CRLF3: variants seen among roughly 807,000 people sequenced by gnomAD.
CRLF3 encodes cytokine receptor-like factor 3.
CRLF3 carries 33 observed loss-of-function variants against 55.0 expected under a neutral mutation model. The observed-to-expected ratio is 0.60, with a 90% confidence interval of 0.46 to 0.80. The LOEUF (loss-of-function observed/expected upper bound fraction) is 0.80, where lower values mean the gene tolerates loss of function less well. CRLF3 is among the 30% of genes least tolerant of loss of function. CRLF3 has a pLI of 0.00. For missense variants in CRLF3, 494 were observed against 538.4 expected (o/e 0.92, Z 0.82); for synonymous variants, 238 against 196.8 (o/e 1.21, Z -1.75).
chr17:30,818,344 T>C (rs1231575800), intron 1 of CRLF3, among the ~76,000 whole-genome samples: 1 of 152,222 alleles, frequency 6.6e-6, no homozygotes, highest in Non-Finnish European at 1.5e-5. Context: ...AGGGACACTT[T>C]AAATACTACT....
intron 1 of CRLF3, among the ~76,000 whole-genome samples, chr17:30,811,015 A>G (rs9895815): frequency 0.14 from 20,614 of 152,100 alleles, 1,491 homozygotes; most frequent in South Asian, 0.25. Context: ...CTTGAGCCTG[A>G]GAGGTTGAGG....
chr17:30,784,629 C>T lies in CRLF3; in HGVS notation c.1073-186G>A, dbSNP rs1287776076. On this transcript the variant is annotated intron_variant, in intron 7 of 7. Transcript: ENST00000324238. ...CTCTTCCAGCAGAGACTATGAGTTT[C>T]CCATATCAGTGTCATCAAAAGAAAC... 3.4e-5 allele frequency: 18 copies of T among 527,310 alleles called. No homozygotes were observed. The East Asian group carries it at 5.1e-4, about 15-fold the overall frequency. 32.7% of individuals were successfully genotyped at this position (527,310 alleles called of 1,614,324 possible).
At chr17:30,816,666 T>C (rs769080825) in intron 1 of CRLF3, among the ~76,000 whole-genome samples, 9 of 151,890 alleles carry the variant, frequency 5.9e-5, no homozygotes, top group Non-Finnish European at 1.3e-4. Flanking sequence ...ATTTTTAATT[T>C]CTTTGTGGAG....
intron 1 of CRLF3, among the ~76,000 whole-genome samples, chr17:30,805,065 C>G (rs1172532307): frequency 6.6e-6 from 1 of 152,026 alleles, no homozygotes; most frequent in Non-Finnish European, 1.5e-5. Context: ...GGCCTGTAAT[C>G]CCAGCTACTT....
At chr17:30,785,835 T>TA in intron 7 of CRLF3, 84 bp downstream of exon 7, 1 of 705,288 alleles carries the variant, frequency 1.4e-6, no homozygotes, top group Non-Finnish European at 2.4e-6. Flanking sequence ...TCTCCTACTA[T>TA]AAATGTATGG....
intron 2 of CRLF3, chr17:30,803,651 A>G: frequency 2.2e-6 from 1 of 447,642 alleles, no homozygotes; most frequent in South Asian, 2.4e-5. Flanking sequence ...TTGGTAGTGA[A>G]TAACTCTCAT....
rs202141263 is a variant in CRLF3 at position 30,803,897 on chromosome 17, C to T, written c.337+4G>A. On this transcript the variant is annotated splice_donor_region_variant and intron_variant, in intron 2 of 7. Coordinates refer to ENST00000324238, the MANE Select transcript of CRLF3 (RefSeq NM_015986.4). ...CTAATACAACAGGCTCCCTGGTCCCCCACCTTCTCGGACTAAGTCCTCTGC... is the reference window on the plus strand; with the variant it reads ...CTAATACAACAGGCTCCCTGGTCCCTCACCTTCTCGGACTAAGTCCTCTGC... 66 of 1,607,770 alleles carry T rather than the reference C, an allele frequency of 4.1e-5. No homozygotes were observed. The African/African-American group carries it at 6.5e-4, about 16-fold the overall frequency.
intron 2 of CRLF3, among the ~76,000 whole-genome samples, chr17:30,799,212 G>C (rs1211218656): frequency 6.6e-6 from 1 of 152,192 alleles, no homozygotes; most frequent in African/African-American, 2.4e-5. Flanking sequence ...GGCGTAGGCT[G>C]CAGCAAGCTG....
intron 6 of CRLF3, chr17:30,787,653 A>G (rs1033065361): frequency 3.3e-5 from 5 of 152,162 alleles, no homozygotes; most frequent in African/African-American, 9.7e-5. Flanking sequence ...GCAGGATCAT[A>G]ATATTTGGGT....
In CRLF3 at chr17:30,782,803, G is replaced by A. The variant is rs80140538; in HGVS notation, c.*1384C>T. On this transcript the variant is annotated 3_prime_UTR_variant, in exon 8 of 8. Coordinates refer to ENST00000324238, the MANE Select transcript of CRLF3 (RefSeq NM_015986.4). ...CTACTTATATATAAAAAGACAAGTA[G>A]AAAAGGTCATGATTGTCTAACAGGG... 5.9e-5 allele frequency: 9 copies of A among 152,106 alleles called. No individual in the cohort carries two copies. The highest frequency in any genetic ancestry group is 5.8e-4 in the East Asian group (3 of 5,178). 9.4% of individuals were successfully genotyped at this position (152,106 alleles called of 1,614,324 possible).
At chr17:30,815,547 T>C (rs1054023446) in intron 1 of CRLF3, among the ~76,000 whole-genome samples, 9 of 147,524 alleles carry the variant, frequency 6.1e-5, no homozygotes, top group South Asian at 2.2e-4. Context: ...TCTTCTTTTT[T>C]TTTTTTTTTT....
intron 6 of CRLF3, among the ~76,000 whole-genome samples, chr17:30,789,735 C>G (rs1421781103): frequency 6.6e-6 from 1 of 152,100 alleles, no homozygotes; most frequent in East Asian, 1.9e-4. Flanking sequence ...ATACTTAAGA[C>G]AGTACATGGC....
intron 6 of CRLF3, among the ~76,000 whole-genome samples, chr17:30,788,575 G>A (rs1235563675): frequency 1.3e-5 from 2 of 148,372 alleles, no homozygotes; most frequent in Non-Finnish European, 3.0e-5. Context: ...GGACTGACTG[G>A]GATAAATAAC....
At chr17:30,792,312 C>T (rs936619367) in intron 6 of CRLF3, 128 bp downstream of exon 6, 1 of 792,600 alleles carries the variant, frequency 1.3e-6, no homozygotes, top group Non-Finnish European at 2.0e-6. Context: ...ATAAAGAAGC[C>T]TTCCCACAGT....
intron 1 of CRLF3, among the ~76,000 whole-genome samples, chr17:30,821,118 A>G (rs1407714986): frequency 6.6e-6 from 1 of 151,788 alleles, no homozygotes; most frequent in African/African-American, 2.4e-5. Context: ...TGGGAGGCCA[A>G]AGTGGGTGTT....
intron 6 of CRLF3, 142 bp from the exon 7 acceptor site, chr17:30,786,173 A>G (rs1475225379): frequency 6.7e-6 from 4 of 600,698 alleles, no homozygotes; most frequent in African/African-American, 1.9e-5. Context: ...AGTTCTTGCT[A>G]TACTCCAGGC....
At chr17:30,797,473 G>A (rs1352779187) in intron 2 of CRLF3, 75 bp from the exon 3 acceptor site, 12 of 1,228,594 alleles carry the variant, frequency 9.8e-6, no homozygotes, top group Non-Finnish European at 1.4e-5. Context: ...TCATGTCTGG[G>A]TGGGTCTCTA....
intron 6 of CRLF3, among the ~76,000 whole-genome samples, chr17:30,789,013 T>G (rs1479452208): frequency 6.6e-6 from 1 of 152,122 alleles, no homozygotes; most frequent in Non-Finnish European, 1.5e-5. Flanking sequence ...CACTTGCTCC[T>G]CCCTTATGCC....
At chr17:30,815,790 C>A (rs1016839953) in intron 1 of CRLF3, among the ~76,000 whole-genome samples, 11 of 150,712 alleles carry the variant, frequency 7.3e-5, no homozygotes, top group Admixed American at 1.3e-4. Context: ...GTGATCCGCC[C>A]GCCTTGGCCT....
Sources: allele counts gnomAD v4.1 joint callset (sites outside exome capture counted in the v4.1 genomes callset), GRCh38; gene constraint gnomAD v4.1.1; transcripts MANE v1.5; gene names NCBI Gene and HGNC (gene_info 2026-07-23, HGNC 2026-07-21).